Variants in FAM117B observed in about 807,000 individuals in gnomAD.
FAM117B encodes protein FAM117B.
Under a neutral mutation model 52.8 loss-of-function variants are expected in FAM117B, and 22 were observed. The observed-to-expected ratio is 0.42, with a 90% CI of 0.30 to 0.59. The LOEUF is 0.59. Among genes scored for constraint, FAM117B ranks in the 20% least tolerant of loss-of-function variants. FAM117B has a pLI of 0.22. For synonymous variants in FAM117B, 309 were observed against 324.1 expected, an observed-to-expected ratio of 0.95 and a Z score of 0.50; for missense variants, 678 against 802.6, an observed-to-expected ratio of 0.84 and a Z score of 1.88.
intron 4 of FAM117B, among the ~76,000 whole-genome samples, chr2:202,754,436 A>G (rs570648560): frequency 6.6e-6 from 1 of 152,308 alleles, no homozygotes; most frequent in South Asian, 2.1e-4. Flanking sequence ...CCACTATGGC[A>G]CACGTGTACC....
chr2:202,719,623 C>G (rs1691118435), intron 2 of FAM117B, among the ~76,000 whole-genome samples: 1 of 152,096 alleles, frequency 6.6e-6, no homozygotes, highest in Non-Finnish European at 1.5e-5. Context: ...TACCAATAAA[C>G]TTATCAAATT....
intron 1 of FAM117B, among the ~76,000 whole-genome samples, chr2:202,695,672 A>C (rs1690699121): frequency 6.6e-6 from 1 of 152,178 alleles, no homozygotes. Flanking sequence ...TTTATCATAG[A>C]TATGTATATA....
chr2:202,758,320 CT>C (rs1175165412), intron 6 of FAM117B, among the ~76,000 whole-genome samples: 1 of 152,188 alleles, frequency 6.6e-6, no homozygotes, highest in African/African-American at 2.4e-5. Flanking sequence ...ACTCTTTGGA[CT>C]TTTATTGCTA....
rs544907687 is a variant in FAM117B, at chr2:202,695,900, T to C, written c.621T>C (p.Pro207=). The change falls in exon 2 of 8, where the codon CCT becomes CCC. Residue 207 remains proline (P), a synonymous_variant. Coordinates refer to ENST00000392238, the MANE Select transcript of FAM117B (RefSeq NM_173511.4). The part of the protein sequence containing the change: ...VCKAGDKTRQ[P]SSSPSSIIRR... Reference sequence around the variant, plus strand: ...ATCTAGGTGACAAAACACGACAGCCTTCTTCAAGCCCCTCCAGTATTATCC... The same window carrying C: ...ATCTAGGTGACAAAACACGACAGCCCTCTTCAAGCCCCTCCAGTATTATCC... 3.7e-6 allele frequency: 6 copies of C among 1,606,164 alleles called. No individual in the cohort carries two copies. In the East Asian group the frequency reaches 1.3e-4, roughly 36 times the overall value.
chr2:202,659,221 G>A (rs1345388837), intron 1 of FAM117B, among the ~76,000 whole-genome samples: 1 of 152,068 alleles, frequency 6.6e-6, no homozygotes, highest in Non-Finnish European at 1.5e-5. Context: ...GCCCAGGCTG[G>A]TCTTGAACTC....
rs553691123 is a variant in FAM117B, at chr2:202,745,778, CA to C, written c.961-9756del. Among the ~76,000 whole-genome samples the C allele has an allele frequency of 2.1e-3, 324 of 152,082 alleles. 1 individual carries two copies. Among genetic ancestry groups the C allele is most frequent in the African/African-American group, 7.3e-3 (303 of 41,488 alleles). ...AAGGCTATTCCACGCAAATGGAAAC[CA>C]AAAGTATGCAGGATTCGCTGTATTT... On this transcript the variant is annotated intron_variant, in intron 4 of 7. Coordinates refer to ENST00000392238, the MANE Select transcript of FAM117B (RefSeq NM_173511.4).
At chr2:202,740,174 C>CAAAAAAAA (rs67479326) in intron 4 of FAM117B, among the ~76,000 whole-genome samples, 8 of 100,608 alleles carry the variant, frequency 8.0e-5, no homozygotes, top group African/African-American at 1.6e-4. Context: ...CTTCATCCCC[C>CAAAAAAAA]AAAAAAAAAA....
intron 4 of FAM117B, among the ~76,000 whole-genome samples, chr2:202,736,647 A>C (rs1467893152): frequency 6.6e-6 from 1 of 152,128 alleles, no homozygotes. Flanking sequence ...CTGTAGTCCC[A>C]GCTACACAGG....
At chr2:202,668,089 A>G (rs1432646168) in intron 1 of FAM117B, among the ~76,000 whole-genome samples, 1 of 138,494 alleles carries the variant, frequency 7.2e-6, no homozygotes. Context: ...CATATATTTT[A>G]TAAAAATATA....
intron 2 of FAM117B, 98 bp downstream of exon 2, chr2:202,696,130 A>T: frequency 7.9e-7 from 1 of 1,272,252 alleles, no homozygotes; most frequent in South Asian, 1.9e-5. Flanking sequence ...CATTTAGTGT[A>T]TATTAGAATT....
At chr2:202,694,210 G>A (rs75333815) in intron 1 of FAM117B, among the ~76,000 whole-genome samples, 1 of 24,470 alleles carries the variant, frequency 4.1e-5, no homozygotes, top group African/African-American at 1.9e-4. Flanking sequence ...TTTTTTTTTT[G>A]AGACAGAGTC....
At chr2:202,648,764 A>AT (rs1181331706) in intron 1 of FAM117B, among the ~76,000 whole-genome samples, 2 of 151,184 alleles carry the variant, frequency 1.3e-5, no homozygotes, top group Non-Finnish European at 2.9e-5. Flanking sequence ...TTTTATTATT[A>AT]TTTTTTATTT....
intron 7 of FAM117B, among the ~76,000 whole-genome samples, chr2:202,761,773 C>T (rs1364021100): frequency 6.6e-6 from 1 of 152,046 alleles, no homozygotes; most frequent in Non-Finnish European, 1.5e-5. Flanking sequence ...GTGGATCTAC[C>T]ACCTCTGCCT....
intron 4 of FAM117B, among the ~76,000 whole-genome samples, chr2:202,744,976 C>CAA (rs58898446): frequency 1.3e-3 from 78 of 59,098 alleles, no homozygotes; most frequent in Non-Finnish European, 1.5e-3. Flanking sequence ...GACTCTGTCT[C>CAA]AAAAAAAAAA....
At chr2:202,733,304 T>C (rs1691386819) in intron 4 of FAM117B, among the ~76,000 whole-genome samples, 1 of 152,204 alleles carries the variant, frequency 6.6e-6, no homozygotes, top group South Asian at 2.1e-4. Flanking sequence ...GCTTCTGTGT[T>C]CAGCTGTGCA....
At chr2:202,635,990 C>CGCCT (rs1559090836) in intron 1 of FAM117B, among the ~76,000 whole-genome samples, 10 of 149,832 alleles carry the variant, frequency 6.7e-5, no homozygotes, top group African/African-American at 2.5e-4. Context: ...CCCGCCCGCC[C>CGCCT]GCCTCATTCA....
At chr2:202,664,141 A>T (rs970425457) in intron 1 of FAM117B, among the ~76,000 whole-genome samples, 3 of 152,228 alleles carry the variant, frequency 2.0e-5, no homozygotes, top group African/African-American at 7.2e-5. Context: ...ACAAATAATA[A>T]CTAATTATCC....
chr2:202,687,380 G>A (rs894396486), intron 1 of FAM117B, among the ~76,000 whole-genome samples: 5 of 152,096 alleles, frequency 3.3e-5, no homozygotes, highest in Non-Finnish European at 5.9e-5. Context: ...ATTTAATGGC[G>A]TATTTGGCTT....
intron 1 of FAM117B, among the ~76,000 whole-genome samples, chr2:202,655,389 AG>A (rs1690036507): frequency 6.6e-6 from 1 of 152,138 alleles, no homozygotes; most frequent in Non-Finnish European, 1.5e-5. Context: ...TAAAAACCTA[AG>A]ATTGGGGTTT....
Sources: allele counts gnomAD v4.1 joint callset (sites outside exome capture counted in the v4.1 genomes callset), GRCh38; gene constraint gnomAD v4.1.1; transcripts MANE v1.5; gene names NCBI Gene and HGNC (gene_info 2026-07-23, HGNC 2026-07-21).